PSD3: variants seen among roughly 807,000 people sequenced by gnomAD.
PSD3 encodes the protein pleckstrin and Sec7 domain containing 3.
In PSD3, 49 loss-of-function variants were observed where a neutral mutation model predicts 105.5. The observed-to-expected ratio is 0.46, with a 90% CI of 0.37 to 0.59. The LOEUF (loss-of-function observed/expected upper bound fraction) is 0.59. Ranked by LOEUF, PSD3 falls within the 20% of genes least tolerant of loss-of-function variation. The pLI is 0.00. For synonymous variants in PSD3, 557 were observed against 457.8 expected (o/e 1.22, Z -2.77); for missense variants, 1,561 against 1,263.8 (o/e 1.24, Z -3.57).
chr8:18,771,922 C>A (rs1807576923), intron 8 of PSD3, among the ~76,000 whole-genome samples: 1 of 152,192 alleles, frequency 6.6e-6, no homozygotes, highest in Non-Finnish European at 1.5e-5. Flanking sequence ...AACCAACGTT[C>A]TACTTTCTGT....
intron 4 of PSD3, among the ~76,000 whole-genome samples, chr8:18,866,250 G>A (rs56190438): frequency 0.1 from 15,728 of 152,206 alleles, 1,077 homozygotes; most frequent in Admixed American, 0.22. Context: ...GAGGAGCACC[G>A]CCTCACGGGG....
At chr8:18,538,313 C>T (rs1186854176) in intron 15 of PSD3, among the ~76,000 whole-genome samples, 1 of 152,146 alleles carries the variant, frequency 6.6e-6, no homozygotes, top group Non-Finnish European at 1.5e-5. Flanking sequence ...TCTCAGAAGG[C>T]CACATGATAG....
Position 18,534,185 on chromosome 8 carries a change from C to T in PSD3, c.*1558G>A, listed in dbSNP as rs1387262557. 1 of 152,426 alleles carries T rather than the reference C, an allele frequency of 6.6e-6. No individual in the cohort carries two copies. Among genetic ancestry groups the T allele is most frequent in the African/African-American group, 2.4e-5 (1 of 41,420 alleles). 9.4% of individuals were successfully genotyped at this position (152,426 alleles called of 1,614,324 possible). A position where few individuals can be genotyped will look rare whatever the true frequency, so the allele number is the denominator to read the frequency against. On this transcript the variant is annotated 3_prime_UTR_variant, in exon 16 of 16. Coordinates refer to ENST00000327040, the MANE Select transcript of PSD3 (RefSeq NM_015310.4). The stretch of plus-strand genomic sequence containing the variant: ...AGCAGCTGATTCTTTGGTCATAGTA[C>T]CTTCAACAAATAAACTATAGAACTA...
intron 11 of PSD3, among the ~76,000 whole-genome samples, chr8:18,627,592 T>C (rs186697488): frequency 1.3e-4 from 20 of 152,068 alleles, no homozygotes; most frequent in Admixed American, 4.6e-4. Flanking sequence ...AATGGAAATA[T>C]TTAAATAAGT....
Position 18,867,688 on chromosome 8 carries a change from A to C in PSD3, c.1620T>G (p.Ile540Met), listed in dbSNP as rs1817038275. Residue 540 changes from isoleucine to methionine, a missense_variant, in exon 4 of 16, where the codon ATT becomes ATG. Transcript: ENST00000327040. ...GGGACGAGTACCTTCCCCAGAAAGC[A>C]ATCTCCGGGGTGCCTTTCGTGTAGA... ...DSIYTKGTPE[I>M]AFWGSNAGVK... The C allele has an allele frequency of 1.2e-6, 2 of 1,610,150 alleles. No individual in the cohort carries two copies. Among genetic ancestry groups the C allele is most frequent in the Non-Finnish European group, 1.7e-6 (2 of 1,177,302 alleles).
chr8:18,980,160 A>G (rs1404605593), intron 1 of PSD3, among the ~76,000 whole-genome samples: 5 of 152,244 alleles, frequency 3.3e-5, no homozygotes. Context: ...AACACTATGG[A>G]AGGCACGAGG....
chr8:18,948,234 G>A (rs1822988443), intron 1 of PSD3, among the ~76,000 whole-genome samples: 2 of 152,162 alleles, frequency 1.3e-5, no homozygotes, highest in Non-Finnish European at 2.9e-5. Flanking sequence ...CACAAATGAA[G>A]CAGATAGTAT....
chr8:18,656,617 T>G (rs565966891), intron 9 of PSD3, among the ~76,000 whole-genome samples: 2 of 152,168 alleles, frequency 1.3e-5, no homozygotes, highest in Admixed American at 6.5e-5. Flanking sequence ...GTAACAATAA[T>G]GGTAAAGTCA....
intron 9 of PSD3, among the ~76,000 whole-genome samples, chr8:18,761,206 T>C (rs1258248634): frequency 6.6e-6 from 1 of 152,152 alleles, no homozygotes; most frequent in Non-Finnish European, 1.5e-5. Flanking sequence ...TAAGCAAGAT[T>C]CATTTTCAGT....
chr8:18,995,902 T>C (rs1353935967), intron 1 of PSD3, among the ~76,000 whole-genome samples: 1 of 151,820 alleles, frequency 6.6e-6, no homozygotes, highest in Non-Finnish European at 1.5e-5. Flanking sequence ...GAGCTACAAC[T>C]CAAGACCAGA....
intron 9 of PSD3, among the ~76,000 whole-genome samples, chr8:18,722,929 T>C (rs1459460446): frequency 2.0e-5 from 3 of 152,256 alleles, no homozygotes; most frequent in Non-Finnish European, 2.9e-5. Flanking sequence ...GAATGCCGTA[T>C]GTCCCTTGCT....
At chr8:18,615,076 A>T (rs957641452) in intron 11 of PSD3, among the ~76,000 whole-genome samples, 8 of 152,218 alleles carry the variant, frequency 5.3e-5, no homozygotes, top group African/African-American at 1.9e-4. Flanking sequence ...TTTTCAAAGA[A>T]TATGTCAATA....
At chr8:18,892,626 C>CTTTT (rs111896561) in intron 2 of PSD3, among the ~76,000 whole-genome samples, 1 of 133,120 alleles carries the variant, frequency 7.5e-6, no homozygotes, top group Admixed American at 7.7e-5. Context: ...TCCTAATTTT[C>CTTTT]TTTTTTTTTT....
At chr8:18,614,400 T>G (rs969437212) in intron 11 of PSD3, among the ~76,000 whole-genome samples, 2 of 118,578 alleles carry the variant, frequency 1.7e-5, no homozygotes, top group Non-Finnish European at 3.4e-5. Flanking sequence ...ATTCAACAAA[T>G]ATTACCGGGA....
chr8:18,984,034 T>G (rs1358228534), intron 1 of PSD3, among the ~76,000 whole-genome samples: 3 of 148,720 alleles, frequency 2.0e-5, no homozygotes, highest in East Asian at 2.0e-4. Context: ...AAAAAATCAC[T>G]GATCGCAGAT....
chr8:19,073,216 G>A (rs1023527172), intron 1 of PSD3, among the ~76,000 whole-genome samples: 4 of 152,100 alleles, frequency 2.6e-5, no homozygotes, highest in Admixed American at 2.0e-4. Context: ...GGGATGAGGT[G>A]GGGAATTAAT....
At chr8:18,588,599 C>A (rs556071085) in intron 12 of PSD3, among the ~76,000 whole-genome samples, 1 of 152,174 alleles carries the variant, frequency 6.6e-6, no homozygotes, top group East Asian at 1.9e-4. Context: ...TACTGCCAGG[C>A]TTTTCTCTTT....
At chr8:18,951,638 G>A (rs1204533064) in intron 1 of PSD3, among the ~76,000 whole-genome samples, 1 of 152,144 alleles carries the variant, frequency 6.6e-6, no homozygotes, top group Non-Finnish European at 1.5e-5. Context: ...TGCAATTAGT[G>A]AAAATAATTA....
At chr8:19,052,688 T>C (rs1828574053) in intron 1 of PSD3, among the ~76,000 whole-genome samples, 1 of 152,128 alleles carries the variant, frequency 6.6e-6, no homozygotes, top group Middle Eastern at 3.4e-3. Context: ...TTCGGTAATA[T>C]CAGAATGGGT....
Sources: gnomAD v4.1 joint callset for allele counts (sites outside exome capture counted in the v4.1 genomes callset) on GRCh38, gnomAD v4.1.1 for gene constraint, MANE v1.5 for transcripts, NCBI Gene and HGNC (gene_info 2026-07-23, HGNC 2026-07-21) for gene names.